The following OPA3 variants were observed in gnomAD, a reference collection of about 807,000 sequenced individuals.
The protein encoded by OPA3 is optic atrophy 3 protein.
Under a neutral mutation model 4.0 loss-of-function variants are expected in OPA3, and 6 were observed. That is an observed-to-expected ratio of 1.51 (90% CI 0.83 to 2.99). The LOEUF (loss-of-function observed/expected upper bound fraction) is 2.99. Ranked by LOEUF, OPA3 falls within the 30% of genes most tolerant of loss-of-function variation. OPA3 has a pLI of 0.00. For synonymous variants in OPA3, 105 were observed against 117.1 expected, an observed-to-expected ratio of 0.90 and a Z score of 0.67; for missense variants, 235 against 256.2, an observed-to-expected ratio of 0.92 and a Z score of 0.56.
chr19:45,553,211 G>A lies in OPA3; in HGVS notation c.*303C>T. On this transcript the variant is annotated 3_prime_UTR_variant, in exon 2 of 2. Transcript: ENST00000263275. ...AACACATTGATTCAGCTCAAGACCA[G>A]GTTCCATTTTTTCATTTGCCAGAGT... The A allele has an allele frequency of 3.6e-6, 5 of 1,376,204 alleles. No homozygotes were observed. Among genetic ancestry groups the A allele is most frequent in the Non-Finnish European group, 4.7e-6 (5 of 1,063,224 alleles). The allele number at this position is 1,376,204 out of a possible 1,614,324, so 85.2% of individuals were successfully genotyped here.
chr19:45,565,324 G>A (rs951098019), intron 1 of OPA3, among the ~76,000 whole-genome samples: 2 of 150,762 alleles, frequency 1.3e-5, no homozygotes, highest in Non-Finnish European at 3.0e-5. Flanking sequence ...GAAACTGCAC[G>A]CATTACATAA....
intron 1 of OPA3, among the ~76,000 whole-genome samples, chr19:45,530,927 CTTTTTTTTTTTTT>C (rs71173176): frequency 7.3e-4 from 26 of 35,448 alleles, no homozygotes; most frequent in Admixed American, 3.5e-3. Context: ...ATGTCACCTA[CTTTTTTTTTTTTT>C]TTTTTTTTTT....
In OPA3 at chr19:45,561,020, CG is replaced by C. The variant is rs1969493766; in HGVS notation, c.143-7110del. Among the ~76,000 whole-genome samples, 5 of 152,178 alleles carry C rather than the reference CG, an allele frequency of 3.3e-5. No homozygotes were observed. The South Asian group carries it at 1.0e-3, about 32-fold the overall frequency. On this transcript the variant is annotated intron_variant, in intron 1 of 1. Transcript: ENST00000263275. ...AACAGCTCCCTCCGTGGTGGGGGAC[CG>C]GGGCTCGGGAGCTTATGCACAAATA... is the stretch of plus-strand genomic sequence containing the variant.
At chr19:45,558,728 T>A (rs983467873) in intron 1 of OPA3, among the ~76,000 whole-genome samples, 1 of 152,006 alleles carries the variant, frequency 6.6e-6, no homozygotes, top group Non-Finnish European at 1.5e-5. Context: ...TGCTGTTTTT[T>A]TTTTTTATTT....
In OPA3 at chr19:45,553,635, A is replaced by ATTT; in HGVS notation, c.418_419insAAA (p.Val140delinsGluMet). On this transcript the variant is annotated protein_altering_variant, in exon 2 of 2. Coordinates refer to ENST00000263275, the MANE Select transcript of OPA3 (RefSeq NM_025136.4). ...GGCGCCCTGTGGCGGCGCCGCCTGC[A>ATTT]CCTGCGCCTGCAGCGCTTCCAGCGC... 1 of 1,605,998 alleles carries ATTT rather than the reference A, an allele frequency of 6.2e-7. No individual in the cohort carries two copies. Among genetic ancestry groups the ATTT allele is most frequent in the Non-Finnish European group, 8.5e-7 (1 of 1,178,444 alleles).
chr19:45,563,248 C>A (rs774121894), intron 1 of OPA3, among the ~76,000 whole-genome samples: 1 of 152,150 alleles, frequency 6.6e-6, no homozygotes, highest in Non-Finnish European at 1.5e-5. Flanking sequence ...CAAGCTCCGC[C>A]TCCCAGGTTC....
chr19:45,584,241 C>T, intron 1 of OPA3: 1 of 693,616 alleles, frequency 1.4e-6, no homozygotes, highest in Non-Finnish European at 1.8e-6. Context: ...ATGAAGTTGC[C>T]CAAGGACAGC....
At chr19:45,575,949 G>A (rs1166096684) in intron 1 of OPA3, among the ~76,000 whole-genome samples, 2 of 152,224 alleles carry the variant, frequency 1.3e-5, no homozygotes, top group Non-Finnish European at 2.9e-5. Flanking sequence ...AGTCTGAAAT[G>A]GGGGCCAGTT....
At chr19:45,577,077 G>C (rs545592805) in intron 1 of OPA3, among the ~76,000 whole-genome samples, 5 of 152,196 alleles carry the variant, frequency 3.3e-5, no homozygotes, top group African/African-American at 1.2e-4. Context: ...TTGCAGGCAT[G>C]GCCTCAACCT....
chr19:45,564,948 C>T (rs184168604), intron 1 of OPA3, among the ~76,000 whole-genome samples: 4 of 152,022 alleles, frequency 2.6e-5, no homozygotes, highest in Admixed American at 1.3e-4. Context: ...TTTTCTCGGC[C>T]GGGCGTGGTG....
In OPA3 at chr19:45,536,548, C is replaced by CAAA. The variant is rs34377614; in HGVS notation, c.143-7095_143-7093dup. On this transcript the variant is annotated intron_variant, in intron 1 of 1. Transcript: ENST00000323060. ...TGGCGACAAGAGTGAAACTCTGTCT[C>CAAA]AAAAAAAAAAAAAAAAGTGTATGGA... Among the ~76,000 whole-genome samples the CAAA allele has an allele frequency of 1.2e-3, 119 of 96,436 alleles. No individual in the cohort carries two copies. The East Asian group carries it at 0.019, about 16-fold the overall frequency. 63.3% of individuals were successfully genotyped at this position (96,436 alleles called of 152,430 possible).
chr19:45,574,925 G>T (rs1020331707), intron 1 of OPA3, among the ~76,000 whole-genome samples: 1 of 152,134 alleles, frequency 6.6e-6, no homozygotes, highest in African/African-American at 2.4e-5. Context: ...AGGCCCAGAG[G>T]CTACGCTGAG....
downstream of OPA3, among the ~76,000 whole-genome samples, chr19:45,545,553 A>C (rs1286640234): frequency 6.6e-6 from 1 of 151,410 alleles, no homozygotes; most frequent in Non-Finnish European, 1.5e-5. Context: ...CAAATGGAAA[A>C]AACAACAACA....
rs1485099832 is a variant in OPA3 at position 45,584,782 on chromosome 19, G to A, written c.-18C>T. The A allele has an allele frequency of 1.9e-6, 3 of 1,612,930 alleles. No homozygotes were observed. The highest frequency in any genetic ancestry group is 2.5e-6 in the Non-Finnish European group (3 of 1,179,994). On this transcript the variant is annotated 5_prime_UTR_variant, in exon 1 of 2. Coordinates refer to ENST00000263275, the MANE Select transcript of OPA3 (RefSeq NM_025136.4). ...ACCACCATCTTGGCGGTCTCACAGG[G>A]CACGCGCAACCTTGCTGACTGGGCG... is the stretch of plus-strand genomic sequence containing the variant.
rs75280602 is a variant in OPA3 at position 45,570,240 on chromosome 19, T to C, written c.142+14383A>G. 7.4e-3 allele frequency among the ~76,000 whole-genome samples: 1,122 copies of C among 152,314 alleles called. 16 individuals carry two copies. Among genetic ancestry groups the C allele is most frequent in the African/African-American group, 0.026 (1,064 of 41,570 alleles). ...GCCAGAAGATTTAGCCATGAGTACA[T>C]GAGCAAATTCCAGCAAATGCCTCTG... On this transcript the variant is annotated intron_variant, in intron 1 of 1. Transcript: ENST00000263275.
At chr19:45,576,415 G>A (rs1423428077) in intron 1 of OPA3, among the ~76,000 whole-genome samples, 1 of 151,900 alleles carries the variant, frequency 6.6e-6, no homozygotes, top group African/African-American at 2.4e-5. Context: ...GCCAGGTGTG[G>A]TGGTGGGTGC....
intron 1 of OPA3, among the ~76,000 whole-genome samples, chr19:45,580,874 C>G (rs1969845268): frequency 6.6e-6 from 1 of 152,090 alleles, no homozygotes; most frequent in South Asian, 2.1e-4. Flanking sequence ...CCTCCGCCTT[C>G]CAAAGTGCTG....
chr19:45,576,646 G>A (rs1282750290), intron 1 of OPA3, among the ~76,000 whole-genome samples: 2 of 151,566 alleles, frequency 1.3e-5, no homozygotes, highest in Non-Finnish European at 2.9e-5. Flanking sequence ...CCATCTCCTC[G>A]GCTTTTCCAG....
exon 2 of OPA3, chr19:45,529,157 C>A: frequency 1.9e-6 from 3 of 1,609,504 alleles, no homozygotes; most frequent in Non-Finnish European, 2.5e-6. Context: ...TCCTCCAGGG[C>A]GAGCTGCGTC....
Sources: gnomAD v4.1 joint callset for allele counts (sites outside exome capture counted in the v4.1 genomes callset) on GRCh38, gnomAD v4.1.1 for gene constraint, MANE v1.5 for transcripts, NCBI Gene and HGNC (gene_info 2026-07-23, HGNC 2026-07-21) for gene names.